The following GRID2 variants were observed in gnomAD, a reference collection of about 807,000 sequenced individuals.
GRID2 encodes glutamate receptor ionotropic, delta-2.
Under a neutral mutation model 114.8 loss-of-function variants are expected in GRID2, and 33 were observed. The observed-to-expected ratio is 0.29, with a 90% confidence interval of 0.22 to 0.38. The LOEUF is 0.38. Among genes scored for constraint, GRID2 ranks in the 10% least tolerant of loss-of-function variants. GRID2 has a pLI of 1.00. For missense variants in GRID2, 1,184 were observed against 1,257.7 expected, an observed-to-expected ratio of 0.94 and a Z score of 0.89; for synonymous variants, 505 against 449.9, an observed-to-expected ratio of 1.12 and a Z score of -1.55.
chr4:92,501,342 C>T (rs1723675079), intron 1 of GRID2, among the ~76,000 whole-genome samples: 2 of 152,198 alleles, frequency 1.3e-5, no homozygotes, highest in Admixed American at 1.3e-4. Context: ...ATTCGTTGAA[C>T]ACTTAAAGTA....
intron 14 of GRID2, among the ~76,000 whole-genome samples, chr4:93,751,613 G>A (rs759733785): frequency 1.3e-5 from 2 of 152,130 alleles, no homozygotes; most frequent in Admixed American, 1.3e-4. Flanking sequence ...AGGGCCTTCC[G>A]TGGCATCCTC....
chr4:93,266,163 T>C (rs1311106387), intron 8 of GRID2, among the ~76,000 whole-genome samples: 1 of 152,174 alleles, frequency 6.6e-6, no homozygotes, highest in East Asian at 1.9e-4. Flanking sequence ...AGAAAACCCA[T>C]GAGAGAAGTA....
chr4:92,879,190 A>G (rs763099503), intron 2 of GRID2, among the ~76,000 whole-genome samples: 23 of 152,172 alleles, frequency 1.5e-4, no homozygotes, highest in Non-Finnish European at 2.9e-4. Flanking sequence ...TAATGATACT[A>G]TCTTTCTAAG....
At chr4:92,914,458 T>A (rs994947808) in intron 2 of GRID2, among the ~76,000 whole-genome samples, 10 of 152,176 alleles carry the variant, frequency 6.6e-5, no homozygotes, top group African/African-American at 2.2e-4. Context: ...TAAGTGCAGG[T>A]TTGTTACATA....
At chr4:92,508,217 C>A (rs1724071187) in intron 1 of GRID2, among the ~76,000 whole-genome samples, 1 of 151,890 alleles carries the variant, frequency 6.6e-6, no homozygotes, top group Non-Finnish European at 1.5e-5. Context: ...AAAGTACTTT[C>A]ATTATAGCAC....
intron 1 of GRID2, among the ~76,000 whole-genome samples, chr4:92,358,684 C>T (rs1388634615): frequency 6.6e-6 from 1 of 151,786 alleles, no homozygotes; most frequent in Non-Finnish European, 1.5e-5. Context: ...TTTCATTAGT[C>T]TACTACTAAC....
At position 92,641,758 on chromosome 4, in the gene GRID2, A is replaced by G. The variant is rs559068842; in HGVS notation, c.244+51472A>G. Among the ~76,000 whole-genome samples, 476 of 151,774 alleles carry G rather than the reference A, an allele frequency of 3.1e-3. 2 individuals carry two copies. Among genetic ancestry groups the G allele is most frequent in the African/African-American group, 0.011 (459 of 41,438 alleles). ...ACCCAGGTAGTGAGTATAGTACCCA[A>G]TAGGTAGCTTTACGATGCATGCCCC... is the stretch of plus-strand genomic sequence containing the variant. On this transcript the variant is annotated intron_variant, in intron 2 of 15. Transcript: ENST00000282020.
intron 8 of GRID2, among the ~76,000 whole-genome samples, chr4:93,248,370 A>T (rs1296657777): frequency 6.6e-6 from 1 of 152,212 alleles, no homozygotes; most frequent in Non-Finnish European, 1.5e-5. Context: ...CAGAAATTGC[A>T]CAAGTGGGCA....
intron 4 of GRID2, among the ~76,000 whole-genome samples, chr4:93,171,099 T>A (rs1738771973): frequency 6.6e-6 from 1 of 152,230 alleles, no homozygotes; most frequent in Non-Finnish European, 1.5e-5. Context: ...TCAGGTTTCC[T>A]ATCTCACTTG....
chr4:92,572,135 G>A (rs552483189), intron 1 of GRID2, among the ~76,000 whole-genome samples: 1 of 151,250 alleles, frequency 6.6e-6, no homozygotes, highest in African/African-American at 2.4e-5. Flanking sequence ...TAGACTGCTA[G>A]CAAGACTAAT....
At chr4:93,132,932 T>C (rs544767149) in intron 4 of GRID2, among the ~76,000 whole-genome samples, 2 of 152,306 alleles carry the variant, frequency 1.3e-5, no homozygotes, top group South Asian at 4.1e-4. Flanking sequence ...GCTCAAGTTG[T>C]GGTACCTATT....
rs115721498 is a variant in GRID2, at chr4:92,473,518, A to G, written c.89-116613A>G. 9.9e-3 allele frequency among the ~76,000 whole-genome samples: 1,507 copies of G among 152,186 alleles called. 23 individuals are homozygous for G. Among genetic ancestry groups the G allele is most frequent in the African/African-American group, 0.035 (1,440 of 41,554 alleles). ...CCTGATCTTAACAGGAAAGTATTCA[A>G]TCTTCACCATTAAGCGTAAAGTTAG... On this transcript the variant is annotated intron_variant, in intron 1 of 15. Transcript: ENST00000282020.
At chr4:92,663,799 T>C (rs1266315302) in intron 2 of GRID2, among the ~76,000 whole-genome samples, 1 of 150,998 alleles carries the variant, frequency 6.6e-6, no homozygotes, top group Non-Finnish European at 1.5e-5. Context: ...ATCTCTATCC[T>C]CCTGTCCCTG....
At position 92,975,156 on chromosome 4, in the gene GRID2, C is replaced by CAAAAAAAAAAAAAAAAAAAAAAAAAAAA. The variant is rs527770693; in HGVS notation, c.245-109818_245-109817insAAAAAAAAAAAAAAAAAAAAAAAAAAAA. Among the ~76,000 whole-genome samples, 8 of 46,682 alleles carry CAAAAAAAAAAAAAAAAAAAAAAAAAAAA rather than the reference C, an allele frequency of 1.7e-4. 1 individual carries two copies. The highest frequency in any genetic ancestry group is 6.1e-4 in the East Asian group (1 of 1,628). The allele number at this position is 46,682 out of a possible 152,430, so 30.6% of individuals were successfully genotyped here. ...TGGGCGACAGAGTGAGATTCCGCCTCAAAAAAAAAAAAAAAAAAAAAGGTG... is the reference window on the plus strand; with the variant it reads ...TGGGCGACAGAGTGAGATTCCGCCTCAAAAAAAAAAAAAAAAAAAAAAAAAAAAAAAAAAAAAAAAAAAAAAAAAGGTG... On this transcript the variant is annotated intron_variant, in intron 2 of 15. Transcript: ENST00000282020.
At chr4:93,037,482 G>T (rs1048758732) in intron 2 of GRID2, among the ~76,000 whole-genome samples, 32 of 152,102 alleles carry the variant, frequency 2.1e-4, no homozygotes, top group African/African-American at 7.5e-4. Context: ...TGTTGCTATT[G>T]CTTGTGGTGT....
At position 92,489,659 on chromosome 4, in the gene GRID2, A is replaced by G. The variant is rs145182286; in HGVS notation, c.89-100472A>G. On this transcript the variant is annotated intron_variant, in intron 1 of 15. Coordinates refer to ENST00000282020, the MANE Select transcript of GRID2 (RefSeq NM_001510.4). The stretch of plus-strand genomic sequence containing the variant: ...TCAGGAGTTCAAGACCAGCCTGGCT[A>G]ACATGGTGAAACACCGTCTCTACTA... Among the ~76,000 whole-genome samples, 82 of 152,132 alleles carry G rather than the reference A, an allele frequency of 5.4e-4. No individual in the cohort carries two copies. In the East Asian group the frequency reaches 0.015, roughly 28 times the overall value.
At chr4:92,646,888 CTTTTTT>C (rs33921659) in intron 2 of GRID2, among the ~76,000 whole-genome samples, 1 of 56,160 alleles carries the variant, frequency 1.8e-5, no homozygotes, top group African/African-American at 5.7e-5. Flanking sequence ...TCTTTGAATT[CTTTTTT>C]TTTTTTTTTT....
intron 14 of GRID2, among the ~76,000 whole-genome samples, chr4:93,644,918 C>T (rs1008859341): frequency 8.6e-5 from 13 of 151,932 alleles, no homozygotes; most frequent in African/African-American, 2.2e-4. Context: ...ATTGACTAGA[C>T]GAGAGAGTAC....
intron 2 of GRID2, among the ~76,000 whole-genome samples, chr4:92,966,197 G>T (rs879806414): frequency 2.4e-4 from 36 of 151,990 alleles, no homozygotes; most frequent in Middle Eastern, 3.4e-3. Flanking sequence ...CCATTATTTA[G>T]TTGGGGAGAA....
Sources: allele counts gnomAD v4.1 joint callset (sites outside exome capture counted in the v4.1 genomes callset), GRCh38; gene constraint gnomAD v4.1.1; transcripts MANE v1.5; gene names NCBI Gene and HGNC (gene_info 2026-07-23, HGNC 2026-07-21).